The following PHTF2 variants were observed in gnomAD, a reference collection of about 807,000 sequenced individuals.
PHTF2 encodes putative homeodomain transcription factor 2, also known as protein PHTF2.
In PHTF2, 60 loss-of-function variants were observed where a neutral mutation model predicts 101.2. That is an observed-to-expected ratio of 0.59 (90% CI 0.48 to 0.73). The LOEUF (loss-of-function observed/expected upper bound fraction) is 0.73. Among genes scored for constraint, PHTF2 ranks in the 30% least tolerant of loss-of-function variants. The pLI, the probability that PHTF2 is intolerant of heterozygous loss-of-function variation, is 0.00. For synonymous variants in PHTF2, 311 were observed against 307.3 expected (o/e 1.01, Z -0.13); for missense variants, 747 against 908.7 (o/e 0.82, Z 2.29).
chr7:77,813,042 T>C (rs1018944943), intron 1 of PHTF2, among the ~76,000 whole-genome samples: 1 of 152,260 alleles, frequency 6.6e-6, no homozygotes, highest in African/African-American at 2.4e-5. Context: ...CTAATAGTAG[T>C]CATACAGTAG....
intron 11 of PHTF2, among the ~76,000 whole-genome samples, chr7:77,926,787 G>A (rs1490001568): frequency 1.3e-5 from 2 of 151,722 alleles, no homozygotes; most frequent in African/African-American, 2.4e-5. Context: ...TGTGCAACAT[G>A]GCGAAACTCC....
intron 11 of PHTF2, among the ~76,000 whole-genome samples, chr7:77,924,638 G>A (rs1051649881): frequency 6.6e-6 from 1 of 152,156 alleles, no homozygotes; most frequent in African/African-American, 2.4e-5. Context: ...TGCATGGATG[G>A]GATTGGTGGG....
chr7:77,937,949 T>A, intron 13 of PHTF2, 111 bp downstream of exon 12: 1 of 454,272 alleles, frequency 2.2e-6, no homozygotes, highest in Non-Finnish European at 3.5e-6. Context: ...TTCTTCACCC[T>A]GAAAAAAAAG....
At chr7:77,823,005 C>T (rs1235956178) in intron 1 of PHTF2, among the ~76,000 whole-genome samples, 1 of 145,712 alleles carries the variant, frequency 6.9e-6, no homozygotes, top group Non-Finnish European at 1.5e-5. Flanking sequence ...CCCGGGTTCA[C>T]GCCATTCTCC....
At position 77,951,358 on chromosome 7, in the gene PHTF2, G is replaced by A. The variant is rs535091497; in HGVS notation, c.2116-259G>A. 9.2e-5 allele frequency among the ~76,000 whole-genome samples: 14 copies of A among 152,120 alleles called. No homozygotes were observed. In the South Asian group the frequency reaches 2.5e-3, roughly 27 times the overall value. ...TTATTTTTTAGGTTGATTTGGCTCC[G>A]ATAATAAAGTGTCTCACCTTTTAAA... On this transcript the variant is annotated intron_variant, in intron 17 of 19. Transcript: ENST00000416283.
chr7:77,822,486 C>T (rs574200186), intron 1 of PHTF2, among the ~76,000 whole-genome samples: 133 of 152,290 alleles, frequency 8.7e-4, no homozygotes, highest in African/African-American at 3.0e-3. Context: ...TGCTCCTAAT[C>T]TGGGGCAGCG....
At chr7:77,934,729 C>T (rs915183976) in intron 12 of PHTF2, among the ~76,000 whole-genome samples, 1 of 152,112 alleles carries the variant, frequency 6.6e-6, no homozygotes, top group Non-Finnish European at 1.5e-5. Flanking sequence ...GGGTGGATTA[C>T]TTGAGGTCAG....
chr7:77,817,631 G>A (rs947913107), intron 1 of PHTF2, among the ~76,000 whole-genome samples: 3 of 152,264 alleles, frequency 2.0e-5, no homozygotes, highest in East Asian at 1.9e-4. Context: ...CATGACACAC[G>A]GGGATTGTGG....
intron 16 of PHTF2, among the ~76,000 whole-genome samples, chr7:77,947,833 CTTTCT>C (rs1806195291): frequency 6.9e-5 from 3 of 43,212 alleles, no homozygotes; most frequent in African/African-American, 2.8e-4. Context: ...TTTCTTTTTT[CTTTCT>C]TTTTTTTTTT....
At chr7:77,810,186 A>G (rs1793326045) in intron 1 of PHTF2, among the ~76,000 whole-genome samples, 1 of 152,186 alleles carries the variant, frequency 6.6e-6, no homozygotes, top group Non-Finnish European at 1.5e-5. Context: ...ATATATATAT[A>G]GGTACATATG....
chr7:77,818,816 ACT>A (rs1794054742), intron 1 of PHTF2, among the ~76,000 whole-genome samples: 2 of 151,748 alleles, frequency 1.3e-5, no homozygotes, highest in African/African-American at 4.8e-5. Context: ...ATGTGCATTG[ACT>A]CTGTAGATTT....
At chr7:77,910,370 T>C (rs1392524440) in exon 9 of PHTF2, 15 of 1,613,538 alleles carry the variant, frequency 9.3e-6, no homozygotes, top group Middle Eastern at 1.6e-4. Flanking sequence ...GTTGGCACTG[T>C]CTTCAGAGAT....
intron 11 of PHTF2, among the ~76,000 whole-genome samples, chr7:77,924,900 T>G (rs1562954921): frequency 6.6e-6 from 1 of 152,208 alleles, no homozygotes; most frequent in Non-Finnish European, 1.5e-5. Context: ...TGCCTTTTTC[T>G]ACTATCTACT....
At chr7:77,893,661 C>T in exon 4 of PHTF2, 1 of 1,310,604 alleles carries the variant, frequency 7.6e-7, no homozygotes, top group Non-Finnish European at 1.1e-6. Context: ...AGAGAGAAAT[C>T]AAGGTAAGGA....
chr7:77,873,274 C>G (rs1798668817), intron 3 of PHTF2, among the ~76,000 whole-genome samples: 1 of 152,162 alleles, frequency 6.6e-6, no homozygotes, highest in Non-Finnish European at 1.5e-5. Context: ...TGCAGAGTCC[C>G]TACTTAGTGG....
At chr7:77,913,120 G>A (rs529467279) in intron 9 of PHTF2, among the ~76,000 whole-genome samples, 3 of 152,232 alleles carry the variant, frequency 2.0e-5, no homozygotes, top group African/African-American at 4.8e-5. Flanking sequence ...GGGCACGGTG[G>A]CTCATGCCTG....
chr7:77,951,263 A>AC (rs1460933132), intron 17 of PHTF2, among the ~76,000 whole-genome samples: 1 of 152,070 alleles, frequency 6.6e-6, no homozygotes, highest in East Asian at 1.9e-4. Flanking sequence ...ACATAGCAAG[A>AC]CCCCATCTCT....
intron 1 of PHTF2, among the ~76,000 whole-genome samples, chr7:77,802,828 G>A (rs1792664375): frequency 6.6e-6 from 1 of 152,142 alleles, no homozygotes; most frequent in African/African-American, 2.4e-5. Context: ...ACCACTCCTG[G>A]CCAGTGTGTT....
At chr7:77,866,875 T>G (rs1798110845) in intron 3 of PHTF2, among the ~76,000 whole-genome samples, 1 of 152,196 alleles carries the variant, frequency 6.6e-6, no homozygotes, top group African/African-American at 2.4e-5. Context: ...CAGGGTTATG[T>G]TTTAGAATGA....
Sources: allele counts gnomAD v4.1 joint callset (sites outside exome capture counted in the v4.1 genomes callset), GRCh38; gene constraint gnomAD v4.1.1; transcripts MANE v1.5; gene names NCBI Gene and HGNC (gene_info 2026-07-23, HGNC 2026-07-21).